Variants in BBX observed in about 807,000 individuals in gnomAD.
BBX encodes the protein BBX high mobility group box domain containing.
BBX carries 30 observed loss-of-function variants against 100.2 expected under a neutral mutation model. That is an observed-to-expected ratio of 0.30 (90% CI 0.22 to 0.41). The LOEUF (loss-of-function observed/expected upper bound fraction) is 0.41, where lower values mean the gene tolerates loss of function less well. Ranked by LOEUF, BBX falls within the 10% of genes least tolerant of loss-of-function variation. BBX has a pLI of 1.00. For missense variants in BBX, 1,023 were observed against 1,129.8 expected, an observed-to-expected ratio of 0.91 and a Z score of 1.35; for synonymous variants, 376 against 388.1, an observed-to-expected ratio of 0.97 and a Z score of 0.37.
chr3:107,698,197 C>G (rs2060789643), intron 3 of BBX, among the ~76,000 whole-genome samples: 1 of 151,796 alleles, frequency 6.6e-6, no homozygotes, highest in Non-Finnish European at 1.5e-5. Flanking sequence ...AGAGCTGTTC[C>G]TATTCGGCCA....
chr3:107,596,929 G>A (rs1038150487), intron 2 of BBX, among the ~76,000 whole-genome samples: 6 of 152,144 alleles, frequency 3.9e-5, no homozygotes, highest in Non-Finnish European at 7.4e-5. Context: ...CACTTGAAAG[G>A]TGTTTTGTGT....
rs2058058062 is a variant in BBX at position 107,655,137 on chromosome 3, A to G, written c.-10+9228A>G. Among the ~76,000 whole-genome samples the G allele has an allele frequency of 2.0e-5, 3 of 152,218 alleles. No homozygotes were observed. The South Asian group carries it at 6.2e-4, about 32-fold the overall frequency. On this transcript the variant is annotated intron_variant, in intron 3 of 17. Transcript: ENST00000325805. ...TGACGATTTCATTAGGAAAGAATAA[A>G]TTAACATTTACTTTTATTGTTGGAT...
chr3:107,585,424 G>A (rs1276419377), intron 2 of BBX, among the ~76,000 whole-genome samples: 1 of 152,092 alleles, frequency 6.6e-6, no homozygotes, highest in Non-Finnish European at 1.5e-5. Context: ...TCATACCCAA[G>A]TAGAAAAAAA....
intron 10 of BBX, among the ~76,000 whole-genome samples, chr3:107,771,890 A>G (rs937063528): frequency 2.0e-5 from 3 of 152,192 alleles, no homozygotes; most frequent in Admixed American, 6.5e-5. Context: ...GAAAAGGCAG[A>G]TATCTGAACA....
At chr3:107,578,349 A>G (rs1344091019) in intron 2 of BBX, among the ~76,000 whole-genome samples, 1 of 152,210 alleles carries the variant, frequency 6.6e-6, no homozygotes, top group Non-Finnish European at 1.5e-5. Context: ...ACTTGAATAT[A>G]AATTCATTCA....
intron 14 of BBX, 115 bp downstream of exon 14, chr3:107,789,991 G>GGAGC: frequency 1.4e-6 from 1 of 724,138 alleles, no homozygotes; most frequent in Non-Finnish European, 2.2e-6. Flanking sequence ...GCTTGCTTCA[G>GGAGC]TGCCATCAGC....
At chr3:107,798,242 A>G (rs2069961273) in intron 15 of BBX, among the ~76,000 whole-genome samples, 1 of 152,244 alleles carries the variant, frequency 6.6e-6, no homozygotes, top group Admixed American at 6.5e-5. Flanking sequence ...AGATTTACCT[A>G]AATTATCGTC....
chr3:107,589,342 A>G (rs1436058676), intron 2 of BBX, among the ~76,000 whole-genome samples: 1 of 152,216 alleles, frequency 6.6e-6, no homozygotes, highest in Non-Finnish European at 1.5e-5. Context: ...CAAAGCTAGT[A>G]GAAGAAAATG....
At chr3:107,715,187 T>G (rs909587442) in intron 4 of BBX, among the ~76,000 whole-genome samples, 1 of 152,168 alleles carries the variant, frequency 6.6e-6, no homozygotes. Flanking sequence ...CATGGTTGCC[T>G]TAAAGTTGTG....
In BBX at chr3:107,778,357, T is replaced by C; in HGVS notation, c.2055-14T>C. The C allele has an allele frequency of 6.2e-7, 1 of 1,612,764 alleles. No homozygotes were observed. Among genetic ancestry groups the C allele is most frequent in the Non-Finnish European group, 8.5e-7 (1 of 1,179,176 alleles). On this transcript the variant is annotated splice_polypyrimidine_tract_variant and intron_variant, in intron 12 of 17. Coordinates refer to ENST00000325805, the MANE Select transcript of BBX (RefSeq NM_001142568.3). The stretch of plus-strand genomic sequence containing the variant: ...GGTCATGTGCTGATTGATTCCCCTC[T>C]CCCCTTTTAATAGCTCCGCAAAGCT...
chr3:107,733,104 C>T, intron 7 of BBX, 81 bp downstream of exon 7: 1 of 1,248,088 alleles, frequency 8.0e-7, no homozygotes, highest in Non-Finnish European at 1.1e-6. Flanking sequence ...GTTGTTCATT[C>T]TGCATTTTCA....
intron 2 of BBX, among the ~76,000 whole-genome samples, chr3:107,557,791 C>G (rs1445636296): frequency 1.3e-5 from 2 of 152,184 alleles, no homozygotes; most frequent in Admixed American, 6.5e-5. Flanking sequence ...ATACCTTAAG[C>G]TCAGTAGATT....
At chr3:107,554,926 G>A (rs2107446563) in intron 2 of BBX, among the ~76,000 whole-genome samples, 1 of 152,028 alleles carries the variant, frequency 6.6e-6, no homozygotes, top group South Asian at 2.1e-4. Context: ...AAATTAGCCG[G>A]GCATGGTGAC....
At chr3:107,768,780 A>C (rs1224852650) in intron 10 of BBX, among the ~76,000 whole-genome samples, 1 of 151,282 alleles carries the variant, frequency 6.6e-6, no homozygotes, top group Non-Finnish European at 1.5e-5. Flanking sequence ...GTCCCATTAA[A>C]AGAGCATTCC....
At chr3:107,749,658 A>C (rs1032485308) in intron 9 of BBX, among the ~76,000 whole-genome samples, 1 of 141,060 alleles carries the variant, frequency 7.1e-6, no homozygotes, top group Admixed American at 7.3e-5. Context: ...TTTGAGATGG[A>C]GTTTCGCCCT....
At chr3:107,684,226 CG>C (rs1476632613) in intron 3 of BBX, among the ~76,000 whole-genome samples, 1 of 152,060 alleles carries the variant, frequency 6.6e-6, no homozygotes, top group Non-Finnish European at 1.5e-5. Context: ...ATGGAGATGA[CG>C]GATATTTTAT....
intron 3 of BBX, among the ~76,000 whole-genome samples, chr3:107,677,047 T>G (rs1412299906): frequency 6.6e-6 from 1 of 152,112 alleles, no homozygotes; most frequent in Non-Finnish European, 1.5e-5. Context: ...AAAATAATCT[T>G]AAGTGAAAAA....
At chr3:107,580,805 A>G (rs1180207497) in intron 2 of BBX, among the ~76,000 whole-genome samples, 1 of 152,070 alleles carries the variant, frequency 6.6e-6, no homozygotes, top group Non-Finnish European at 1.5e-5. Context: ...CTAATTTTGT[A>G]TTTTTAGTAG....
At chr3:107,771,242 C>T (rs747372345) in intron 10 of BBX, among the ~76,000 whole-genome samples, 1 of 152,034 alleles carries the variant, frequency 6.6e-6, no homozygotes, top group African/African-American at 2.4e-5. Context: ...GGGAGCCTTG[C>T]AGTTAAGTGT....
Sources: allele counts gnomAD v4.1 joint callset (sites outside exome capture counted in the v4.1 genomes callset), GRCh38; gene constraint gnomAD v4.1.1; transcripts MANE v1.5; gene names NCBI Gene and HGNC (gene_info 2026-07-23, HGNC 2026-07-21).